The following EYS variants were observed in gnomAD, a reference collection of about 807,000 sequenced individuals.
EYS encodes the protein protein eyes shut homolog.
EYS carries 250 observed loss-of-function variants against 282.1 expected under a neutral mutation model. The observed-to-expected ratio is 0.89, with a 90% CI of 0.80 to 0.98. The LOEUF (loss-of-function observed/expected upper bound fraction) is 0.98, where lower values mean the gene tolerates loss of function less well. Among genes scored for constraint, EYS ranks in the 50% least tolerant of loss-of-function variants. The pLI is 0.00. For missense variants in EYS, 4,016 were observed against 3,709.0 expected, an observed-to-expected ratio of 1.08 and a Z score of -2.15; for synonymous variants, 1,355 against 1,282.9, an observed-to-expected ratio of 1.06 and a Z score of -1.20.
At chr6:63,782,195 A>C (rs1770246585) in intron 39 of EYS, among the ~76,000 whole-genome samples, 1 of 152,184 alleles carries the variant, frequency 6.6e-6, no homozygotes, top group African/African-American at 2.4e-5. Context: ...TATCAAGGAT[A>C]TTGGTCTAAA....
At chr6:65,567,077 T>G (rs1038138164) in intron 2 of EYS, among the ~76,000 whole-genome samples, 1 of 151,876 alleles carries the variant, frequency 6.6e-6, no homozygotes, top group Admixed American at 6.6e-5. Context: ...AATGCTGTTA[T>G]TGTGGGAATG....
intron 22 of EYS, among the ~76,000 whole-genome samples, chr6:64,766,653 T>A (rs917283751): frequency 0.015 from 654 of 42,642 alleles, 24 homozygotes; most frequent in East Asian, 0.12. Context: ...AAAAAAAATA[T>A]ATATATATAT....
intron 36 of EYS, among the ~76,000 whole-genome samples, chr6:63,842,514 A>C (rs565018019): frequency 6.6e-6 from 1 of 152,008 alleles, no homozygotes; most frequent in South Asian, 2.1e-4. Context: ...TTAGCCCTTG[A>C]TCAGATGGAT....
intron 31 of EYS, among the ~76,000 whole-genome samples, chr6:64,122,726 CAAAT>C (rs1773631539): frequency 1.3e-5 from 2 of 152,046 alleles, no homozygotes; most frequent in Non-Finnish European, 2.9e-5. Context: ...GCTAAACAAA[CAAAT>C]AAATTAGCAG....
At chr6:65,118,979 A>G (rs1775454450) in intron 12 of EYS, among the ~76,000 whole-genome samples, 1 of 152,064 alleles carries the variant, frequency 6.6e-6, no homozygotes, top group Admixed American at 6.5e-5. Flanking sequence ...GTTTAAATTA[A>G]ATGTTAAATA....
intron 12 of EYS, among the ~76,000 whole-genome samples, chr6:65,119,726 G>T (rs1775474321): frequency 6.7e-6 from 1 of 149,258 alleles, no homozygotes; most frequent in African/African-American, 2.5e-5. Context: ...AAATAGCTAG[G>T]CATGGTGGTA....
chr6:65,021,076 A>T (rs2150138492), intron 13 of EYS, among the ~76,000 whole-genome samples: 1 of 152,284 alleles, frequency 6.6e-6, no homozygotes, highest in Non-Finnish European at 1.5e-5. Context: ...AAGGCCTCTG[A>T]CATGTCCTAG....
chr6:65,181,516 TCAC>T (rs1189909551), intron 12 of EYS, among the ~76,000 whole-genome samples: 1 of 152,124 alleles, frequency 6.6e-6, no homozygotes, highest in Non-Finnish European at 1.5e-5. Context: ...AGATATCATC[TCAC>T]ACCAGTTAGA....
chr6:65,365,317 GC>G (rs1004756460), intron 8 of EYS, among the ~76,000 whole-genome samples: 15 of 151,380 alleles, frequency 9.9e-5, no homozygotes, highest in African/African-American at 3.6e-4. Flanking sequence ...GCCTTCTTAC[GC>G]CTGAAAAATT....
At chr6:63,839,681 G>A (rs999646205) in intron 36 of EYS, among the ~76,000 whole-genome samples, 1 of 152,058 alleles carries the variant, frequency 6.6e-6, no homozygotes, top group African/African-American at 2.4e-5. Flanking sequence ...CAGTAAACAC[G>A]AGAAGTGCAG....
At chr6:63,975,145 C>G (rs1766773445) in intron 35 of EYS, among the ~76,000 whole-genome samples, 1 of 151,594 alleles carries the variant, frequency 6.6e-6, no homozygotes, top group Non-Finnish European at 1.5e-5. Flanking sequence ...ATTGTGAAAC[C>G]TAGGCTGTTT....
intron 12 of EYS, among the ~76,000 whole-genome samples, chr6:65,220,597 G>A (rs1198052341): frequency 6.6e-6 from 1 of 152,106 alleles, no homozygotes; most frequent in East Asian, 1.9e-4. Flanking sequence ...ACTCAGTCTT[G>A]AGTATGTCTT....
At chr6:64,142,789 T>C (rs1158471227) in intron 31 of EYS, among the ~76,000 whole-genome samples, 1 of 152,104 alleles carries the variant, frequency 6.6e-6, no homozygotes, top group African/African-American at 2.4e-5. Flanking sequence ...AATGGTGGTA[T>C]GGGAAGGCAG....
chr6:64,945,654 T>A (rs1199264085), intron 15 of EYS, 139 bp downstream of exon 15: 4 of 686,900 alleles, frequency 5.8e-6, no homozygotes, highest in Non-Finnish European at 4.4e-6. Context: ...CGACACCATC[T>A]TGTCAGTAAA....
chr6:64,793,235 T>A (rs1774245616), intron 22 of EYS, among the ~76,000 whole-genome samples: 1 of 152,164 alleles, frequency 6.6e-6, no homozygotes, highest in African/African-American at 2.4e-5. Context: ...TTGGTGTAAA[T>A]CAATTAATTC....
At chr6:63,791,927 G>A (rs779805275) in intron 37 of EYS, among the ~76,000 whole-genome samples, 1 of 152,100 alleles carries the variant, frequency 6.6e-6, no homozygotes, top group Non-Finnish European at 1.5e-5. Flanking sequence ...TAGTGACAGA[G>A]GGGTCAGAAA....
intron 22 of EYS, among the ~76,000 whole-genome samples, chr6:64,808,444 C>A (rs905486767): frequency 2.0e-5 from 3 of 151,666 alleles, no homozygotes; most frequent in African/African-American, 4.8e-5. Context: ...TTAACTGAGA[C>A]AACATGAGAT....
chr6:64,879,562 C>T (rs565655066), intron 19 of EYS, among the ~76,000 whole-genome samples: 5 of 150,954 alleles, frequency 3.3e-5, no homozygotes, highest in African/African-American at 4.9e-5. Flanking sequence ...TTGCAGAATG[C>T]GCTAAAAATA....
intron 31 of EYS, among the ~76,000 whole-genome samples, chr6:64,216,892 T>TC (rs1163969694): frequency 3.9e-5 from 6 of 151,966 alleles, no homozygotes; most frequent in Non-Finnish European, 8.8e-5. Context: ...AAGTCAAGAT[T>TC]CCCCCAAAGT....
Sources: allele counts gnomAD v4.1 joint callset (sites outside exome capture counted in the v4.1 genomes callset), GRCh38; gene constraint gnomAD v4.1.1; transcripts MANE v1.5; gene names NCBI Gene and HGNC (gene_info 2026-07-23, HGNC 2026-07-21).